Variants in MYOF observed in about 807,000 individuals in gnomAD.
The protein encoded by MYOF is myoferlin.
In MYOF, 244 loss-of-function variants were observed where a neutral mutation model predicts 284.2. The observed-to-expected ratio is 0.86, with a 90% CI of 0.77 to 0.95. MYOF has a LOEUF of 0.95. MYOF is among the 40% of genes least tolerant of loss of function. The pLI, the probability that MYOF is intolerant of heterozygous loss-of-function variation, is 0.00. For missense variants in MYOF, 2,496 were observed against 2,560.6 expected, an observed-to-expected ratio of 0.97 and a Z score of 0.54; for synonymous variants, 904 against 919.7, an observed-to-expected ratio of 0.98 and a Z score of 0.31.
At chr10:93,338,725 G>A (rs980196404) in intron 39 of MYOF, among the ~76,000 whole-genome samples, 8 of 152,140 alleles carry the variant, frequency 5.3e-5, no homozygotes, top group Non-Finnish European at 1.2e-4. Context: ...AGTTCCCCAG[G>A]AGAGTCCAAT....
At chr10:93,336,674 C>T (rs1204163514) in intron 40 of MYOF, among the ~76,000 whole-genome samples, 1 of 151,802 alleles carries the variant, frequency 6.6e-6, no homozygotes, top group Non-Finnish European at 1.5e-5. Context: ...AGGGTATATA[C>T]AATAATCACA....
chr10:93,316,249 C>T (rs1046731998), intron 50 of MYOF, among the ~76,000 whole-genome samples: 4 of 151,710 alleles, frequency 2.6e-5, no homozygotes, highest in African/African-American at 9.7e-5. Flanking sequence ...AGGAGTGTGC[C>T]AGGAGAGGGA....
intron 42 of MYOF, 105 bp downstream of exon 42, chr10:93,333,653 C>T (rs1843450455): frequency 1.4e-6 from 2 of 1,418,448 alleles, no homozygotes; most frequent in Non-Finnish European, 9.7e-7. Flanking sequence ...GTATCTTTCC[C>T]CTAGTGAGAT....
intron 40 of MYOF, among the ~76,000 whole-genome samples, chr10:93,336,777 A>T (rs1291790606): frequency 6.6e-6 from 1 of 151,378 alleles, no homozygotes; most frequent in African/African-American, 2.4e-5. Context: ...GGAAGGAAGA[A>T]GGCAGGAGAA....
chr10:93,317,141 T>A (rs2133741040), intron 49 of MYOF, among the ~76,000 whole-genome samples: 1 of 140,844 alleles, frequency 7.1e-6, no homozygotes, highest in South Asian at 2.4e-4. Context: ...ATTATCCTCC[T>A]AAGGCCAGGC....
chr10:93,351,310 T>C lies in MYOF; in HGVS notation c.3823-15A>G, dbSNP rs774905576. On this transcript the variant is annotated splice_polypyrimidine_tract_variant and intron_variant, in intron 34 of 53. Coordinates refer to ENST00000359263, the MANE Select transcript of MYOF (RefSeq NM_013451.4). Reference sequence around the variant, plus strand: ...TTGGAGCCATCCTGTGAAACAAACATGGATATGTCAATGCCTCACTTTAGT... The same window carrying C: ...TTGGAGCCATCCTGTGAAACAAACACGGATATGTCAATGCCTCACTTTAGT... 9.9e-6 allele frequency: 16 copies of C among 1,610,904 alleles called. No individual in the cohort carries two copies. In the East Asian group the frequency reaches 3.1e-4, roughly 31 times the overall value.
At chr10:93,440,329 T>C (rs1259415170) in intron 3 of MYOF, among the ~76,000 whole-genome samples, 2 of 152,052 alleles carry the variant, frequency 1.3e-5, no homozygotes, top group African/African-American at 4.8e-5. Flanking sequence ...GAAGAATCAC[T>C]TGAACCCGGG....
At chr10:93,422,728 G>A (rs565528378) in intron 5 of MYOF, among the ~76,000 whole-genome samples, 110 of 152,262 alleles carry the variant, frequency 7.2e-4, no homozygotes, top group Non-Finnish European at 1.3e-3. Context: ...CCTGGGACAC[G>A]GAGGGTACAG....
chr10:93,480,947 G>A (rs539118433), intron 1 of MYOF, among the ~76,000 whole-genome samples: 1 of 152,266 alleles, frequency 6.6e-6, no homozygotes, highest in East Asian at 1.9e-4. Flanking sequence ...AATGTAGCAA[G>A]GCATGGTCAG....
In MYOF at chr10:93,369,634, A is replaced by T; in HGVS notation, c.2589+11T>A. On this transcript the variant is annotated intron_variant, in intron 25 of 53. Transcript: ENST00000359263. ...CCAAAGAAGAAAAGATAGTGAAATC[A>T]TTAAAGGTACCATTTCAGCAAAGAC... The T allele has an allele frequency of 6.2e-7, 1 of 1,614,110 alleles. No homozygotes were observed. Among genetic ancestry groups the T allele is most frequent in the Non-Finnish European group, 8.5e-7 (1 of 1,179,970 alleles).
At chr10:93,460,767 C>CAAAAA (rs757591863) in intron 1 of MYOF, among the ~76,000 whole-genome samples, 1 of 25,300 alleles carries the variant, frequency 4.0e-5, no homozygotes, top group East Asian at 6.5e-4. Context: ...ACCCCATCTC[C>CAAAAA]AAAAAAAAAA....
At chr10:93,443,416 C>CTCT (rs974316036) in intron 3 of MYOF, among the ~76,000 whole-genome samples, 4 of 151,804 alleles carry the variant, frequency 2.6e-5, no homozygotes, top group Non-Finnish European at 5.9e-5. Context: ...CTGAAGTGCT[C>CTCT]TCTCTGTCTC....
chr10:93,319,831 T>G, intron 49 of MYOF, 41 bp downstream of exon 49: 1 of 1,612,592 alleles, frequency 6.2e-7, no homozygotes, highest in Non-Finnish European at 8.5e-7. Context: ...TTAAGGAAGA[T>G]CCATGATACC....
rs559300482 is a variant in MYOF, at chr10:93,317,353, T to C, written c.5599-540A>G. Among the ~76,000 whole-genome samples the C allele has an allele frequency of 7.6e-4, 115 of 151,782 alleles. 1 individual carries two copies. Among genetic ancestry groups the C allele is most frequent in the African/African-American group, 2.3e-3 (96 of 41,320 alleles). ...GATTTTTGGCCTTTGAAAAATACCA[T>C]TGGGCTGGGTGCAGTGGCTCATTCC... is the stretch of plus-strand genomic sequence containing the variant. On this transcript the variant is annotated intron_variant, in intron 49 of 53. Transcript: ENST00000359263.
chr10:93,460,465 A>C (rs904224959), intron 1 of MYOF, among the ~76,000 whole-genome samples: 3 of 152,252 alleles, frequency 2.0e-5, no homozygotes, highest in African/African-American at 7.2e-5. Context: ...TCTTAGTCTT[A>C]AAAAGTTCCA....
intron 39 of MYOF, 89 bp from the exon 40 acceptor site, chr10:93,338,002 A>G: frequency 1.0e-6 from 1 of 955,366 alleles, no homozygotes; most frequent in Admixed American, 1.8e-5. Flanking sequence ...GTTAAGAAGA[A>G]ATAGGTTCTT....
At chr10:93,344,814 G>T (rs1157292552) in intron 37 of MYOF, among the ~76,000 whole-genome samples, 1 of 149,800 alleles carries the variant, frequency 6.7e-6, no homozygotes, top group East Asian at 2.1e-4. Flanking sequence ...GCCTGAGGTT[G>T]CAGTGGCTTA....
chr10:93,405,034 C>A (rs957537035), intron 7 of MYOF, among the ~76,000 whole-genome samples: 1 of 152,214 alleles, frequency 6.6e-6, no homozygotes. Context: ...TATTTCTAAT[C>A]TACAGGACAG....
chr10:93,408,223 T>G lies in MYOF; in HGVS notation c.729+564A>C, dbSNP rs188747114. On this transcript the variant is annotated intron_variant, in intron 7 of 53. Transcript: ENST00000359263. Reference sequence around the variant, plus strand: ...CTTTTAGATATCTAAAAGCTAGATATCTTTTAGATTGTCCCAAGTGAACAA... The same window carrying G: ...CTTTTAGATATCTAAAAGCTAGATAGCTTTTAGATTGTCCCAAGTGAACAA... Among the ~76,000 whole-genome samples the G allele has an allele frequency of 3.0e-3, 461 of 152,030 alleles. 2 individuals are homozygous for G. Among genetic ancestry groups the G allele is most frequent in the African/African-American group, 0.011 (446 of 41,386 alleles).
Sources: gnomAD v4.1 joint callset for allele counts (sites outside exome capture counted in the v4.1 genomes callset) on GRCh38, gnomAD v4.1.1 for gene constraint, MANE v1.5 for transcripts, NCBI Gene and HGNC (gene_info 2026-07-23, HGNC 2026-07-21) for gene names.